RFX6: variants seen among roughly 807,000 people sequenced by gnomAD.
RFX6 encodes the protein DNA-binding protein RFX6.
Under a neutral mutation model 110.8 loss-of-function variants are expected in RFX6, and 50 were observed. The ratio of observed to expected loss-of-function variants is 0.45; its 90% CI spans 0.36 to 0.57. The LOEUF (loss-of-function observed/expected upper bound fraction) is 0.57, where lower values mean the gene tolerates loss of function less well. Ranked by LOEUF, RFX6 falls within the 20% of genes least tolerant of loss-of-function variation. The probability of loss-of-function intolerance (pLI) is 0.00; values close to 1 mark genes in which losing one functional copy is unlikely to be tolerated. For synonymous variants in RFX6, 383 were observed against 411.2 expected (o/e 0.93, Z 0.83); for missense variants, 990 against 1,127.0 (o/e 0.88, Z 1.74).
At chr6:116,908,882 G>T (rs1041819329) in intron 6 of RFX6, among the ~76,000 whole-genome samples, 6 of 151,912 alleles carry the variant, frequency 3.9e-5, no homozygotes, top group African/African-American at 1.5e-4. Context: ...ACTGAATTTT[G>T]TTTAATATTT....
Position 116,931,440 on chromosome 6 carries a change from A to C in RFX6, c.2721A>C (p.Arg907Ser). ...ETLDSHGTSS[R>S]EMVSSLPPIN... ...TGGACTCCCATGGAACAAGCAGTAG[A>C]GAAATGGTGTCCTCTTTACCACCTA... The change falls in exon 19 of 19, where the codon AGA (arginine) becomes AGC (serine). Residue 907 changes from arginine (R) to serine (S), a missense_variant. Arg to Ser is a moderately radical substitution (Grantham distance 110). Coordinates refer to ENST00000332958, the MANE Select transcript of RFX6 (RefSeq NM_173560.4). 1 of 1,613,494 alleles carries C rather than the reference A, an allele frequency of 6.2e-7. No homozygotes were observed. Among genetic ancestry groups the C allele is most frequent in the Non-Finnish European group, 8.5e-7 (1 of 1,179,446 alleles).
At chr6:116,909,811 A>G (rs1775294464) in intron 6 of RFX6, among the ~76,000 whole-genome samples, 1 of 123,940 alleles carries the variant, frequency 8.1e-6, no homozygotes, top group Non-Finnish European at 1.6e-5. Context: ...CAGTGGCACG[A>G]TCTTGGCTCA....
Position 116,931,398 on chromosome 6 carries a change from T to G in RFX6, c.2679T>G (p.Tyr893Ter). The G allele has an allele frequency of 6.2e-7, 1 of 1,613,302 alleles. No individual in the cohort carries two copies. The highest frequency in any genetic ancestry group is 8.5e-7 in the Non-Finnish European group (1 of 1,179,272). The change falls in exon 19 of 19, where the codon TAT becomes TAG. Residue 893 changes from tyrosine (Y) to a stop codon, truncating the protein, a stop_gained. Coordinates refer to ENST00000332958, the MANE Select transcript of RFX6 (RefSeq NM_173560.4). LOFTEE classifies it high-confidence loss of function. ...GTATGTATGGAACTTCCAACCAGTA[T>G]CCAGCTCAAGAAACCCTGGACTCCC... ...SQCMYGTSNQ[Y>*]PAQETLDSHG...
intron 4 of RFX6, among the ~76,000 whole-genome samples, chr6:116,889,162 T>G (rs900981723): frequency 6.6e-6 from 1 of 152,170 alleles, no homozygotes; most frequent in African/African-American, 2.4e-5. Flanking sequence ...TTTATATATA[T>G]TGTTTACGTA....
At chr6:116,897,969 A>G (rs922440473) in intron 6 of RFX6, among the ~76,000 whole-genome samples, 18 of 152,164 alleles carry the variant, frequency 1.2e-4, no homozygotes, top group Admixed American at 1.1e-3. Context: ...GGAAAAAATG[A>G]ATGAGAAGAC....
Position 116,925,452 on chromosome 6 carries a change from G to A in RFX6, c.1679-1G>A. ...TTTCCCATTTTAAAAACTCTTTCCA[G>A]ATGCGAGTAAAGCTGCTTTCACTGC... On this transcript the variant is annotated splice_acceptor_variant, in intron 15 of 18. Coordinates refer to ENST00000332958, the MANE Select transcript of RFX6 (RefSeq NM_173560.4). LOFTEE classifies it high-confidence loss of function. 6.2e-6 allele frequency: 10 copies of A among 1,613,072 alleles called. No individual in the cohort carries two copies. The highest frequency in any genetic ancestry group is 8.5e-6 in the Non-Finnish European group (10 of 1,179,034).
chr6:116,899,115 G>C (rs771046308), intron 6 of RFX6, among the ~76,000 whole-genome samples: 7 of 151,956 alleles, frequency 4.6e-5, no homozygotes, highest in Non-Finnish European at 7.4e-5. Flanking sequence ...GCATGAGCCA[G>C]AAGAAATGCA....
chr6:116,925,082 CTG>C (rs1388374011), intron 15 of RFX6, among the ~76,000 whole-genome samples: 2 of 152,126 alleles, frequency 1.3e-5, no homozygotes, highest in African/African-American at 2.4e-5. Flanking sequence ...CAAAAAATAA[CTG>C]TAATTCAAGA....
chr6:116,908,536 A>T (rs1213488958), intron 6 of RFX6, among the ~76,000 whole-genome samples: 1 of 152,052 alleles, frequency 6.6e-6, no homozygotes, highest in Non-Finnish European at 1.5e-5. Flanking sequence ...AGTGTTGAGT[A>T]AAAAAGGTGA....
chr6:116,877,867 G>C lies in RFX6; in HGVS notation c.295G>C (p.Ala99Pro), dbSNP rs1158166763. The C allele has an allele frequency of 6.2e-7, 1 of 1,614,102 alleles. No individual in the cohort carries two copies. Residue 99 changes from alanine (A) to proline (P), a missense_variant, in exon 2 of 19, where the codon GCA (alanine) becomes CCA (proline). Around this residue, in one of 5 missense-constraint regions of RFX6, gnomAD observed 175 missense variants for 162.3 expected, o/e 1.08. Transcript: ENST00000332958. ...DADNHDSKTK[A>P]ADQYLSQKKT... ...CGACAACCACGACAGCAAAACCAAA[G>C]CAGCGGATCAATACCTGTCTCAGAA...
chr6:116,880,533 CT>C lies in RFX6; in HGVS notation c.381-6del. 1 of 1,610,964 alleles carries C rather than the reference CT, an allele frequency of 6.2e-7. No homozygotes were observed. Among genetic ancestry groups the C allele is most frequent in the Non-Finnish European group, 8.5e-7 (1 of 1,178,082 alleles). ...AAAATATTTGACCTAATTTTTGTTC[CT>C]TTTTCTTAGGCTTGAAGAGAATTAC... On this transcript the variant is annotated splice_polypyrimidine_tract_variant and intron_variant, in intron 2 of 18. Coordinates refer to ENST00000332958, the MANE Select transcript of RFX6 (RefSeq NM_173560.4).
chr6:116,920,772 T>C lies in RFX6; in HGVS notation c.1327+318T>C, dbSNP rs151196849. Among the ~76,000 whole-genome samples the C allele has an allele frequency of 4.1e-3, 618 of 152,130 alleles. 8 individuals are homozygous for C. Among genetic ancestry groups the C allele is most frequent in the Admixed American group, 0.02 (307 of 15,262 alleles). On this transcript the variant is annotated intron_variant, in intron 12 of 18. Coordinates refer to ENST00000332958, the MANE Select transcript of RFX6 (RefSeq NM_173560.4). ...TTATAATTACTCACCATGGAAAAGA[T>C]AGAAAATATTGAGGAAAATAAAAGT...
chr6:116,930,091 A>G (rs1775850142), intron 18 of RFX6, among the ~76,000 whole-genome samples: 2 of 152,200 alleles, frequency 1.3e-5, no homozygotes, highest in Admixed American at 6.5e-5. Flanking sequence ...TGTTTACCTG[A>G]AGAGATAGTG....
intron 18 of RFX6, among the ~76,000 whole-genome samples, chr6:116,931,014 G>GAT (rs1314479710): frequency 1.3e-5 from 2 of 152,138 alleles, no homozygotes; most frequent in African/African-American, 4.8e-5. Flanking sequence ...GGAGAGAAAA[G>GAT]ATGGTGGTTT....
At position 116,911,013 on chromosome 6, in the gene RFX6, G is replaced by C. The variant is rs1183005459; in HGVS notation, c.751G>C (p.Val251Leu). 1 of 1,612,108 alleles carries C rather than the reference G, an allele frequency of 6.2e-7. No homozygotes were observed. Among genetic ancestry groups the C allele is most frequent in the East Asian group, 2.2e-5 (1 of 44,822 alleles). Residue 251 changes from valine to leucine, a missense_variant, in exon 7 of 19, where the codon GTA (valine) becomes CTA (leucine). Around this residue, in one of 5 missense-constraint regions of RFX6, gnomAD observed 243 missense variants for 353.1 expected, o/e 0.69. Coordinates refer to ENST00000332958, the MANE Select transcript of RFX6 (RefSeq NM_173560.4). ...LPEFPSAQHL[V>L]YQGCISKDKV... Reference sequence around the variant, plus strand: ...AGAATTCCCCAGCGCTCAACACCTTGTATACCAAGGATGCATTTCTAAGGA... The same window carrying C: ...AGAATTCCCCAGCGCTCAACACCTTCTATACCAAGGATGCATTTCTAAGGA...
Position 116,923,108 on chromosome 6 carries a change from C to T in RFX6, c.1439C>T (p.Thr480Ile). Residue 480 changes from threonine (T) to isoleucine (I), a missense_variant and splice_region_variant, in exon 14 of 19, where the codon ACC becomes ATC. Around this residue, in one of 5 missense-constraint regions of RFX6, gnomAD observed 89 missense variants for 140.3 expected, o/e 0.63. Transcript: ENST00000332958. Reference sequence around the variant, plus strand: ...TTCATTTTGTTCCTTTACTTTTAGACCAGCAAACAAAATGGAAGGTCATTA... The same window carrying T: ...TTCATTTTGTTCCTTTACTTTTAGATCAGCAAACAAAATGGAAGGTCATTA... ...DTVVEQRVIK[T>I]SKQNGRSLKK... 1 of 1,548,906 alleles carries T rather than the reference C, an allele frequency of 6.5e-7. No homozygotes were observed. The highest frequency in any genetic ancestry group is 1.4e-5 in the African/African-American group (1 of 73,742).
At chr6:116,924,108 G>A (rs1775659397) in intron 14 of RFX6, among the ~76,000 whole-genome samples, 2 of 152,080 alleles carry the variant, frequency 1.3e-5, no homozygotes, top group Non-Finnish European at 2.9e-5. Context: ...AAATACTTTT[G>A]TTGGAAAATC....
intron 6 of RFX6, among the ~76,000 whole-genome samples, chr6:116,900,866 AAT>A (rs1282176973): frequency 6.6e-6 from 1 of 152,172 alleles, no homozygotes; most frequent in Non-Finnish European, 1.5e-5. Flanking sequence ...CACAGAAGCA[AAT>A]ATATGTGAAA....
At chr6:116,913,241 T>C (rs1775392558) in intron 7 of RFX6, among the ~76,000 whole-genome samples, 1 of 152,172 alleles carries the variant, frequency 6.6e-6, no homozygotes, top group Admixed American at 6.5e-5. Flanking sequence ...TTTGTGTTTT[T>C]AGTAGAGACG....
Sources: allele counts gnomAD v4.1 joint callset (sites outside exome capture counted in the v4.1 genomes callset), GRCh38; gene constraint gnomAD v4.1.1; regional missense constraint gnomAD v4.1.1; transcripts MANE v1.5; gene names NCBI Gene and HGNC (gene_info 2026-07-23, HGNC 2026-07-21).